The following KIAA1549 variants were observed in gnomAD, a reference collection of about 807,000 sequenced individuals.
KIAA1549 encodes the protein UPF0606 protein KIAA1549.
A neutral mutation model predicts 156.4 loss-of-function variants in KIAA1549; 70 were observed. The observed-to-expected ratio is 0.45, with a 90% CI of 0.37 to 0.55. The LOEUF (loss-of-function observed/expected upper bound fraction) is 0.55, where lower values mean the gene tolerates loss of function less well. KIAA1549 is among the 20% of genes least tolerant of loss of function. The pLI is 0.00. For synonymous variants in KIAA1549, 1,103 were observed against 1,066.4 expected, an observed-to-expected ratio of 1.03 and a Z score of -0.67; for missense variants, 2,428 against 2,540.9, an observed-to-expected ratio of 0.96 and a Z score of 0.96.
intron 15 of KIAA1549, among the ~76,000 whole-genome samples, chr7:138,863,140 G>C (rs1810637062): frequency 6.6e-6 from 1 of 151,884 alleles, no homozygotes; most frequent in Admixed American, 6.6e-5. Flanking sequence ...GGTCTTACAG[G>C]CTCCATGAGC....
At chr7:138,871,696 T>C (rs1252728392) in intron 12 of KIAA1549, among the ~76,000 whole-genome samples, 1 of 152,236 alleles carries the variant, frequency 6.6e-6, no homozygotes, top group East Asian at 1.9e-4. Flanking sequence ...CTGAAGTTGC[T>C]CAGTAGTCAA....
At chr7:138,895,193 A>G (rs1811650465) in intron 9 of KIAA1549, among the ~76,000 whole-genome samples, 1 of 152,258 alleles carries the variant, frequency 6.6e-6, no homozygotes, top group South Asian at 2.1e-4. Context: ...GAAATGATCA[A>G]GTAAATGAAT....
At chr7:138,940,497 T>C (rs1245111721) in intron 1 of KIAA1549, among the ~76,000 whole-genome samples, 2 of 151,218 alleles carry the variant, frequency 1.3e-5, no homozygotes, top group African/African-American at 2.4e-5. Flanking sequence ...GTCTTTATAG[T>C]AGCATGATTT....
At chr7:138,936,725 A>ACCCCCCC (rs139640080) in intron 1 of KIAA1549, among the ~76,000 whole-genome samples, 4 of 135,864 alleles carry the variant, frequency 2.9e-5, no homozygotes, top group African/African-American at 5.4e-5. Flanking sequence ...GAGATGTGTG[A>ACCCCCCC]CCCCCCCCAC....
At chr7:138,849,515 C>A (rs1810175031) in intron 17 of KIAA1549, among the ~76,000 whole-genome samples, 1 of 151,702 alleles carries the variant, frequency 6.6e-6, no homozygotes, top group Admixed American at 6.6e-5. Context: ...AGGTTACTTA[C>A]AAGAGTACTA....
rs1363230669 is a variant in KIAA1549, at chr7:138,886,042, A to G, written c.4033-4458T>C. Among the ~76,000 whole-genome samples the G allele has an allele frequency of 2.0e-5, 3 of 152,236 alleles. No individual in the cohort carries two copies. In the South Asian group the frequency reaches 6.2e-4, roughly 32 times the overall value. ...GCCCCCCCCCAAATTCGGTCACAGAAGTCTCCTGTGTTGACTGTTGTGTGG... is the reference window on the plus strand; with the variant it reads ...GCCCCCCCCCAAATTCGGTCACAGAGGTCTCCTGTGTTGACTGTTGTGTGG... On this transcript the variant is annotated intron_variant, in intron 10 of 19. Transcript: ENST00000422774.
intron 10 of KIAA1549, among the ~76,000 whole-genome samples, chr7:138,885,759 AAAGT>A (rs1273857114): frequency 2.0e-5 from 3 of 152,210 alleles, no homozygotes; most frequent in Admixed American, 6.5e-5. Context: ...CTGGTAAACA[AAAGT>A]AAGTGTTTCC....
At chr7:138,935,568 T>C (rs1812986675) in intron 1 of KIAA1549, among the ~76,000 whole-genome samples, 1 of 152,112 alleles carries the variant, frequency 6.6e-6, no homozygotes, top group Admixed American at 6.5e-5. Context: ...ACCATCAGCT[T>C]CCAGATAATC....
At chr7:138,843,892 T>A (rs1427806808) in intron 18 of KIAA1549, among the ~76,000 whole-genome samples, 1 of 152,218 alleles carries the variant, frequency 6.6e-6, no homozygotes, top group Non-Finnish European at 1.5e-5. Context: ...TGGAATTGGC[T>A]TAAACTACTT....
chr7:138,918,668 C>A lies in KIAA1549; in HGVS notation c.958G>T (p.Asp320Tyr). The change falls in exon 2 of 20, where the codon GAC becomes TAC. Residue 320 changes from aspartate to tyrosine, a missense_variant. Asp to Tyr is a radical substitution (Grantham distance 160). This residue lies in a region of KIAA1549 where 893 missense variants were observed against 847.9 expected (regional missense o/e 1.05). Coordinates refer to ENST00000422774, the MANE Select transcript of KIAA1549 (RefSeq NM_001164665.2). This position sits in a 1 kb window ranked among gnomAD's most constrained non-coding sequence, Gnocchi z 4.2. ...PPEEVWATSA[D>Y]RYTDVTTVLS... ...ACAGTGGTCACATCAGTGTATCTGT[C>A]TGCACTTGTGGCCCAAACCTCCTCT... The A allele has an allele frequency of 1.2e-6, 2 of 1,613,836 alleles. No homozygotes were observed. The highest frequency in any genetic ancestry group is 1.7e-6 in the Non-Finnish European group (2 of 1,179,884).
intron 1 of KIAA1549, among the ~76,000 whole-genome samples, chr7:138,929,235 G>A (rs138809949): frequency 4.7e-4 from 71 of 152,212 alleles, no homozygotes; most frequent in African/African-American, 1.4e-3. Context: ...CTGTTTTATC[G>A]ACTAGGCTTA....
intron 5 of KIAA1549, among the ~76,000 whole-genome samples, chr7:138,907,744 T>C (rs772881719): frequency 2.6e-5 from 4 of 152,104 alleles, no homozygotes; most frequent in Non-Finnish European, 4.4e-5. Flanking sequence ...AGAACAAGAC[T>C]GCCTCCTGAG....
chr7:138,927,822 T>G (rs573926735), intron 1 of KIAA1549, among the ~76,000 whole-genome samples: 39 of 152,334 alleles, frequency 2.6e-4, no homozygotes, highest in African/African-American at 7.9e-4. Flanking sequence ...CTGGCTGGTG[T>G]GAAACCTTGT....
chr7:138,862,729 G>A (rs1484907305), intron 15 of KIAA1549, among the ~76,000 whole-genome samples: 18 of 152,078 alleles, frequency 1.2e-4, no homozygotes, highest in African/African-American at 4.1e-4. Context: ...TCAGGAGTTC[G>A]AGACCAGCGT....
intron 17 of KIAA1549, among the ~76,000 whole-genome samples, chr7:138,848,926 TCTCA>T (rs1810159138): frequency 6.6e-6 from 1 of 152,128 alleles, no homozygotes; most frequent in South Asian, 2.1e-4. Context: ...TGAGACAGGG[TCTCA>T]CTATGTTGCC....
rs775789437 is a variant in KIAA1549, at chr7:138,869,689, G to A, written c.4624C>T (p.Arg1542Cys). The change falls in exon 14 of 20, where the codon CGC (arginine) becomes TGC (cysteine). Residue 1542 changes from arginine (R) to cysteine (C), a missense_variant. Transcript: ENST00000422774. ...ACCACCGGGAACTCGTAGTGCCCGC[G>A]GCGCTTGGCGCGCAGGCGGATCTTG... Reference protein sequence around the residue: ...RNKIRLRAKRRGHYEFPVVDD... With the variant: ...RNKIRLRAKRCGHYEFPVVDD... 8 of 1,612,290 alleles carry A rather than the reference G, an allele frequency of 5.0e-6. No homozygotes were observed. The highest frequency in any genetic ancestry group is 3.3e-5 in the South Asian group (3 of 90,996).
rs1812021580 is a variant in KIAA1549 at position 138,906,949 on chromosome 7, G to A, written c.3430C>T (p.Leu1144=). ...GCGATCTGCAGCACTGGGTATCCCA[G>A]ATAGAAACTGAACTCCACCACACTC... is the stretch of plus-strand genomic sequence containing the variant. ...NLSVVEFSFY[L]GYPVLQIAEP... is the part of the protein sequence containing the mutation. The change falls in exon 6 of 20, where the codon CTG becomes TTG. Residue 1144 remains leucine (L), a synonymous_variant. Transcript: ENST00000422774. 6.2e-7 allele frequency: 1 copy of A among 1,610,772 alleles called. No individual in the cohort carries two copies.
chr7:138,909,871 C>T (rs957160658), intron 4 of KIAA1549, among the ~76,000 whole-genome samples: 8 of 151,968 alleles, frequency 5.3e-5, no homozygotes, highest in East Asian at 1.9e-4. Flanking sequence ...TGCCTGAGCC[C>T]GGGAGGCAAA....
chr7:138,833,089 G>A lies in KIAA1549; in HGVS notation c.*4817C>T, dbSNP rs1809587279. ...GTGGACTTCCTCCTGCTCCTGTCCA[G>A]GGCAAATGTGGATAAGCAGGCTCTA... On this transcript the variant is annotated 3_prime_UTR_variant, in exon 20 of 20. Transcript: ENST00000422774. 4.3e-6 allele frequency: 1 copy of A among 232,260 alleles called. No homozygotes were observed. The highest frequency in any genetic ancestry group is 1.3e-3 in the Middle Eastern group (1 of 774). 14.4% of individuals were successfully genotyped at this position (232,260 alleles called of 1,614,324 possible).
Sources: gnomAD v4.1 joint callset for allele counts (sites outside exome capture counted in the v4.1 genomes callset) on GRCh38, gnomAD v4.1.1 for gene constraint, gnomAD v4.1.1 regional missense constraint, Gnocchi (gnomAD v3.1) non-coding constraint, MANE v1.5 for transcripts, NCBI Gene and HGNC (gene_info 2026-07-23, HGNC 2026-07-21) for gene names.